The following MAPK8 variants were observed in gnomAD, a reference collection of about 807,000 sequenced individuals.
MAPK8 encodes the protein mitogen-activated protein kinase 8, also known as JUN N-terminal kinase.
In MAPK8, 13 loss-of-function variants were observed where a neutral mutation model predicts 52.9. The ratio of observed to expected loss-of-function variants is 0.25; its 90% confidence interval spans 0.16 to 0.39. The LOEUF is 0.39. Ranked by LOEUF, MAPK8 falls within the 10% of genes least tolerant of loss-of-function variation. MAPK8 has a pLI of 1.00. For missense variants in MAPK8, 300 were observed against 519.2 expected (o/e 0.58, Z 4.10); for synonymous variants, 191 against 169.8 (o/e 1.12, Z -0.97).
At chr10:48,420,810 A>G (rs755136160) in intron 6 of MAPK8, among the ~76,000 whole-genome samples, 2 of 152,216 alleles carry the variant, frequency 1.3e-5, no homozygotes, top group Non-Finnish European at 2.9e-5. Context: ...TCTTGAAGGA[A>G]GCAGTAAAGT....
intron 6 of MAPK8, among the ~76,000 whole-genome samples, chr10:48,422,330 G>A (rs888677153): frequency 2.0e-5 from 3 of 152,030 alleles, no homozygotes; most frequent in Non-Finnish European, 2.9e-5. Flanking sequence ...CACAACGCCT[G>A]GCCTCCCACC....
Position 48,405,121 on chromosome 10 carries a change from A to ATATG in MAPK8, c.252+143_252+144insGTAT, listed in dbSNP as rs1554830647. On this transcript the variant is annotated intron_variant, in intron 3 of 11. Transcript: ENST00000374189. ...GTTTAAAAGGGATATATATATATAT[A>ATATG]TATATATCTACAGGGTGATTTTCCT... The ATATG allele has an allele frequency of 3.5e-4, 94 of 270,222 alleles. 1 individual carries two copies. In the South Asian group the frequency reaches 3.9e-3, roughly 11 times the overall value. The allele number at this position is 270,222 out of a possible 1,614,324, so 16.7% of individuals were successfully genotyped here.
At chr10:48,323,847 C>T (rs747951564) in intron 1 of MAPK8, among the ~76,000 whole-genome samples, 70 of 152,072 alleles carry the variant, frequency 4.6e-4, no homozygotes, top group Non-Finnish European at 9.4e-4. Context: ...AAATGATGCC[C>T]TCTCTTTTTT....
intron 1 of MAPK8, among the ~76,000 whole-genome samples, chr10:48,316,249 A>G (rs1842489172): frequency 6.6e-6 from 1 of 152,244 alleles, no homozygotes; most frequent in African/African-American, 2.4e-5. Flanking sequence ...GTTTAGATAC[A>G]CAAATACTTC....
At chr10:48,405,791 G>A (rs1402388867) in intron 3 of MAPK8, among the ~76,000 whole-genome samples, 1 of 152,140 alleles carries the variant, frequency 6.6e-6, no homozygotes, top group Non-Finnish European at 1.5e-5. Flanking sequence ...AATATAATGA[G>A]CACAGTACCT....
At chr10:48,428,974 A>C (rs1477683046) in intron 10 of MAPK8, among the ~76,000 whole-genome samples, 1 of 148,656 alleles carries the variant, frequency 6.7e-6, no homozygotes, top group Admixed American at 6.7e-5. Context: ...GGTGTGATCC[A>C]CTGCACTTGG....
rs1453026038 is a variant in MAPK8 at position 48,386,552 on chromosome 10, A to G, written c.-49-15060A>G. Among the ~76,000 whole-genome samples, 31 of 152,218 alleles carry G rather than the reference A, an allele frequency of 2.0e-4. 1 individual carries two copies. Among genetic ancestry groups the G allele is most frequent in the Admixed American group, 2.0e-3 (31 of 15,284 alleles). On this transcript the variant is annotated intron_variant, in intron 1 of 11. Coordinates refer to ENST00000374189, the MANE Select transcript of MAPK8 (RefSeq NM_001323329.2). Reference sequence around the variant, plus strand: ...GAAGCCAACTTTGGAATATTTTGAAATGTTTACCATTTTGAGTACAAAGTA... The same window carrying G: ...GAAGCCAACTTTGGAATATTTTGAAGTGTTTACCATTTTGAGTACAAAGTA...
intron 5 of MAPK8, among the ~76,000 whole-genome samples, chr10:48,416,732 TC>T (rs1232117942): frequency 6.6e-6 from 1 of 152,150 alleles, no homozygotes. Flanking sequence ...ATTAAATTCT[TC>T]TGTACAGACA....
chr10:48,403,357 C>A (rs532599708), intron 2 of MAPK8, among the ~76,000 whole-genome samples: 10 of 151,070 alleles, frequency 6.6e-5, no homozygotes, highest in Non-Finnish European at 1.0e-4. Context: ...ACTTGGGAGG[C>A]GGAGGCAGGA....
chr10:48,387,709 C>A (rs1187805381), intron 1 of MAPK8, among the ~76,000 whole-genome samples: 3 of 152,124 alleles, frequency 2.0e-5, no homozygotes, highest in Non-Finnish European at 4.4e-5. Context: ...CTGCTGTTCT[C>A]TCTTAGTTTG....
chr10:48,345,397 A>G (rs1263838049), intron 1 of MAPK8, among the ~76,000 whole-genome samples: 3 of 152,152 alleles, frequency 2.0e-5, no homozygotes, highest in African/African-American at 4.8e-5. Flanking sequence ...AATCCTAAGT[A>G]TTTTGCGAAA....
chr10:48,311,102 A>G (rs1294109770), intron 1 of MAPK8, among the ~76,000 whole-genome samples: 1 of 152,150 alleles, frequency 6.6e-6, no homozygotes, highest in Non-Finnish European at 1.5e-5. Context: ...GTAACCTCAT[A>G]GGGCTGTGAG....
intron 1 of MAPK8, among the ~76,000 whole-genome samples, chr10:48,393,500 A>C (rs1292954921): frequency 6.6e-6 from 1 of 152,152 alleles, no homozygotes; most frequent in Non-Finnish European, 1.5e-5. Context: ...ATAAGGAAAC[A>C]TCAGACAAAA....
At chr10:48,356,115 C>A (rs1003140811) in intron 1 of MAPK8, among the ~76,000 whole-genome samples, 6 of 152,070 alleles carry the variant, frequency 3.9e-5, no homozygotes, top group African/African-American at 1.4e-4. Flanking sequence ...CAAGAAAGAT[C>A]AAAAAGCATA....
At chr10:48,356,614 G>A (rs543901692) in intron 1 of MAPK8, among the ~76,000 whole-genome samples, 10 of 152,168 alleles carry the variant, frequency 6.6e-5, no homozygotes, top group African/African-American at 2.4e-4. Context: ...GGCCGAGGCA[G>A]GTGGATCACT....
intron 1 of MAPK8, among the ~76,000 whole-genome samples, chr10:48,320,150 A>G (rs1265904215): frequency 2.2e-5 from 3 of 136,464 alleles, no homozygotes; most frequent in African/African-American, 8.2e-5. Flanking sequence ...TCCTGACCTC[A>G]GGTGATCCCC....
chr10:48,339,643 G>T (rs1436849010), intron 1 of MAPK8, among the ~76,000 whole-genome samples: 1 of 152,124 alleles, frequency 6.6e-6, no homozygotes. Context: ...CAGAATGGAA[G>T]AAAGTATTTG....
In MAPK8 at chr10:48,358,342, A is replaced by C. The variant is rs149423823; in HGVS notation, c.-49-43270A>C. 7.9e-3 allele frequency among the ~76,000 whole-genome samples: 1,205 copies of C among 152,186 alleles called. 13 individuals are homozygous for C. Among genetic ancestry groups the C allele is most frequent in the African/African-American group, 0.028 (1,155 of 41,516 alleles). On this transcript the variant is annotated intron_variant, in intron 1 of 11. Coordinates refer to ENST00000374189, the MANE Select transcript of MAPK8 (RefSeq NM_001323329.2). ...GTCAGAGCTTGTTACTTTCTTTTTG[A>C]TTATATTAGTAGTCATCATAGTGGA...
At chr10:48,373,945 G>A (rs968762841) in intron 1 of MAPK8, among the ~76,000 whole-genome samples, 3 of 151,880 alleles carry the variant, frequency 2.0e-5, no homozygotes, top group African/African-American at 7.3e-5. Flanking sequence ...CAGAATATAC[G>A]TTCTCCTCAG....
Sources: allele counts gnomAD v4.1 joint callset (sites outside exome capture counted in the v4.1 genomes callset), GRCh38; gene constraint gnomAD v4.1.1; transcripts MANE v1.5; gene names NCBI Gene and HGNC (gene_info 2026-07-23, HGNC 2026-07-21).